The following UGT2B4 variants were observed in gnomAD, a reference collection of about 807,000 sequenced individuals.
UGT2B4 encodes UDP glucuronosyltransferase family 2 member B4, also known as UDP-glucuronosyltransferase 2B4.
UGT2B4 carries 49 observed loss-of-function variants against 49.8 expected under a neutral mutation model. The ratio of observed to expected loss-of-function variants is 0.98; its 90% confidence interval spans 0.78 to 1.25. UGT2B4 has a LOEUF of 1.25. UGT2B4 is among the 50% of genes most tolerant of loss of function. The probability of loss-of-function intolerance (pLI) is 0.00; values close to 1 mark genes in which losing one functional copy is unlikely to be tolerated. For missense variants in UGT2B4, 729 were observed against 627.7 expected (o/e 1.16, Z -1.73); for synonymous variants, 246 against 217.7 (o/e 1.13, Z -1.14).
At chr4:69,485,458 T>G (rs558734351) in intron 4 of UGT2B4, 31 bp from the exon 5 acceptor site, 12 of 1,611,408 alleles carry the variant, frequency 7.4e-6, no homozygotes, top group Non-Finnish European at 8.5e-6. Context: ...GCAAAATTAT[T>G]CATAGGAATA....
intron 3 of UGT2B4, among the ~76,000 whole-genome samples, chr4:69,488,455 A>C (rs868679636): frequency 6.6e-6 from 1 of 152,220 alleles, no homozygotes; most frequent in African/African-American, 2.4e-5. Flanking sequence ...TCAGTGTTAA[A>C]GTAACTTTGA....
chr4:69,489,443 T>C lies in UGT2B4; in HGVS notation c.998A>G (p.Gln333Arg). 1 of 1,610,796 alleles carries C rather than the reference T, an allele frequency of 6.2e-7. No homozygotes were observed. The highest frequency in any genetic ancestry group is 8.5e-7 in the Non-Finnish European group (1 of 1,177,872). ...CATTAAAACATTTTATCTTACCTTT[T>C]GTGGGATCTTGGCAAGGGCTGATGC... ...VIASALAKIP[Q>R]KVLWRFDGNK... Residue 333 changes from glutamine to arginine, a missense_variant, in exon 3 of 6, where the codon CAA becomes CGA. Transcript: ENST00000305107.
In UGT2B4 at chr4:69,480,775, G is replaced by A. The variant is rs774765310; in HGVS notation, c.1446C>T (p.Asp482=). 8 of 1,613,864 alleles carry A rather than the reference G, an allele frequency of 5.0e-6. No individual in the cohort carries two copies. Among genetic ancestry groups the A allele is most frequent in the East Asian group, 2.2e-5 (1 of 44,888 alleles). The part of the protein sequence containing the change: ...GAKHLRVAAH[D]LTWFQYHSLD... Reference sequence around the variant, plus strand: ...AAGAGTGGTACTGGAACCAGGTGAGGTCGTGGGCTGCAACCCGAAGGTGCT... The same window carrying A: ...AAGAGTGGTACTGGAACCAGGTGAGATCGTGGGCTGCAACCCGAAGGTGCT... Residue 482 remains aspartate (D), a synonymous_variant, in exon 6 of 6, where the codon GAC becomes GAT. Coordinates refer to ENST00000305107, the MANE Select transcript of UGT2B4 (RefSeq NM_021139.3).
Position 69,489,508 on chromosome 4 carries a change from C to T in UGT2B4, c.933G>A (p.Ser311=), listed in dbSNP as rs369241306. ...TTTCTTCTGACGTGTTACTGACCATCGACCCCAGAGAAAACACCACAACAC... is the reference window on the plus strand; with the variant it reads ...TTTCTTCTGACGTGTTACTGACCATTGACCCCAGAGAAAACACCACAACAC... ...ENGVVVFSLG[S]MVSNTSEERA... The change falls in exon 3 of 6, where the codon TCG becomes TCA. Residue 311 remains serine, a synonymous_variant. Transcript: ENST00000305107. The T allele has an allele frequency of 3.2e-5, 51 of 1,611,662 alleles. No individual in the cohort carries two copies. Among genetic ancestry groups the T allele is most frequent in the Non-Finnish European group, 4.2e-5 (49 of 1,178,572 alleles).
In UGT2B4 at chr4:69,495,122, A is replaced by G. The variant is rs1728105403; in HGVS notation, c.721+19T>C. The G allele has an allele frequency of 1.3e-6, 2 of 1,507,826 alleles. No homozygotes were observed. Among genetic ancestry groups the G allele is most frequent in the African/African-American group, 2.8e-5 (2 of 71,376 alleles). 93.4% of individuals were successfully genotyped at this position (1,507,826 alleles called of 1,614,324 possible). ...AAGAAAGTTAGATCTTCATGTTACC[A>G]ATCAAAAAAGTTACTTACCTAGAAC... is the stretch of plus-strand genomic sequence containing the variant. On this transcript the variant is annotated intron_variant, in intron 1 of 5. Transcript: ENST00000305107.
chr4:69,481,091 GAAAAAAAAAAAAAAA>G (rs57494102), intron 5 of UGT2B4, among the ~76,000 whole-genome samples, 181 bp from the exon 6 acceptor site: 1 of 67,824 alleles, frequency 1.5e-5, no homozygotes, highest in African/African-American at 5.9e-5. Context: ...GTAAAAATAT[GAAAAAAAAAAAAAAA>G]AAAAAAAAAA....
chr4:69,520,482 G>A (rs1427677991), intron 1 of UGT2B4, among the ~76,000 whole-genome samples: 4 of 152,196 alleles, frequency 2.6e-5, no homozygotes, highest in African/African-American at 9.6e-5. Context: ...ACAGACTTGG[G>A]CATCCCTGTA....
intron 1 of UGT2B4, among the ~76,000 whole-genome samples, chr4:69,516,387 A>G (rs1432394200): frequency 6.6e-6 from 1 of 152,206 alleles, no homozygotes; most frequent in Non-Finnish European, 1.5e-5. Context: ...TTCTGGTTCC[A>G]GGTCTTTGAG....
intron 1 of UGT2B4, among the ~76,000 whole-genome samples, chr4:69,524,452 A>G (rs1462692328): frequency 6.6e-6 from 1 of 151,840 alleles, no homozygotes; most frequent in Non-Finnish European, 1.5e-5. Context: ...TCAGTAGACA[A>G]ATAATATGTA....
At chr4:69,487,361 G>A (rs539088721) in intron 3 of UGT2B4, among the ~76,000 whole-genome samples, 8 of 152,186 alleles carry the variant, frequency 5.3e-5, no homozygotes, top group African/African-American at 1.9e-4. Flanking sequence ...CATCAATGAT[G>A]GATTCAATAA....
intron 2 of UGT2B4, among the ~76,000 whole-genome samples, 173 bp downstream of exon 2, chr4:69,493,520 G>T (rs1054061591): frequency 6.6e-6 from 1 of 152,070 alleles, no homozygotes; most frequent in Admixed American, 6.6e-5. Flanking sequence ...TGGTAATAAT[G>T]ATGAAATTCA....
At chr4:69,502,897 C>G (rs1728378209) in intron 1 of UGT2B4, among the ~76,000 whole-genome samples, 1 of 152,172 alleles carries the variant, frequency 6.6e-6, no homozygotes, top group Non-Finnish European at 1.5e-5. Context: ...AGTCACAAAA[C>G]AGGGAACCCC....
upstream of UGT2B4, among the ~76,000 whole-genome samples, chr4:69,500,456 C>CAAGGA (rs1441918120): frequency 8.7e-6 from 1 of 114,422 alleles, no homozygotes; most frequent in Non-Finnish European, 1.8e-5. Flanking sequence ...GACCTTTGAA[C>CAAGGA]AAGGAAAGGA....
At chr4:69,500,967 G>T (rs1381540568) in intron 1 of UGT2B4, among the ~76,000 whole-genome samples, 1 of 152,054 alleles carries the variant, frequency 6.6e-6, no homozygotes, top group Non-Finnish European at 1.5e-5. Flanking sequence ...AAAAGTAGCT[G>T]TAGTTCTGGC....
At chr4:69,517,213 C>A (rs1222723226) in intron 1 of UGT2B4, among the ~76,000 whole-genome samples, 3 of 152,006 alleles carry the variant, frequency 2.0e-5, no homozygotes, top group African/African-American at 7.2e-5. Flanking sequence ...CTAATCTTTT[C>A]TCAAATTTTT....
intron 1 of UGT2B4, among the ~76,000 whole-genome samples, chr4:69,494,830 CT>C (rs574520985): frequency 6.6e-6 from 1 of 152,056 alleles, no homozygotes; most frequent in African/African-American, 2.4e-5. Flanking sequence ...ATAAGTCTGA[CT>C]TTTTTTTAAG....
intron 1 of UGT2B4, among the ~76,000 whole-genome samples, chr4:69,516,047 G>A (rs906538344): frequency 2.6e-5 from 4 of 151,984 alleles, no homozygotes; most frequent in East Asian, 1.9e-4. Flanking sequence ...TCATATGTCT[G>A]TGTCTTCTCA....
Position 69,495,595 on chromosome 4 carries a change from A to G in UGT2B4, c.267T>C (p.Ile89=), listed in dbSNP as rs1728133433. 6.2e-7 allele frequency: 1 copy of G among 1,614,002 alleles called. No individual in the cohort carries two copies. The highest frequency in any genetic ancestry group is 8.5e-7 in the Non-Finnish European group (1 of 1,179,974). ...VSLTKTEFED[I]IKQLVKRWAE... ...CCCATCTCTTAACCAGCTGCTTGAT[A>G]ATATCCTCAAACTCAGTTTTAGTTA... is the stretch of plus-strand genomic sequence containing the variant. Residue 89 remains isoleucine, a synonymous_variant, in exon 1 of 6, where the codon ATT becomes ATC. Transcript: ENST00000305107.
At chr4:69,496,073 ATTTT>A, upstream of UGT2B4, 1 of 500,588 alleles carries the variant, frequency 2.0e-6, no homozygotes. Context: ...TTCTTTTTGG[ATTTT>A]TTTTTTTTTG....
Sources: gnomAD v4.1 joint callset for allele counts (sites outside exome capture counted in the v4.1 genomes callset) on GRCh38, gnomAD v4.1.1 for gene constraint, MANE v1.5 for transcripts, NCBI Gene and HGNC (gene_info 2026-07-23, HGNC 2026-07-21) for gene names.